GPR141: variants seen among roughly 807,000 people sequenced by gnomAD.
GPR141 encodes the protein probable G protein-coupled receptor 141.
In GPR141, 6 loss-of-function variants were observed where a neutral mutation model predicts 6.8. The observed-to-expected ratio is 0.88, with a 90% CI of 0.48 to 1.74. The LOEUF (loss-of-function observed/expected upper bound fraction) is 1.74, where lower values mean the gene tolerates loss of function less well. Among genes scored for constraint, GPR141 ranks in the 40% most tolerant of loss-of-function variants. The pLI is 0.01. For missense variants in GPR141, 372 were observed against 372.9 expected (o/e 1.00, Z 0.02); for synonymous variants, 140 against 142.3 (o/e 0.98, Z 0.11).
intron 2 of GPR141, among the ~76,000 whole-genome samples, chr7:37,691,804 GT>G (rs939013302): frequency 2.0e-5 from 3 of 151,822 alleles, no homozygotes; most frequent in African/African-American, 7.3e-5. Flanking sequence ...CTTGAGTGGA[GT>G]TTTTTCCCCC....
intron 2 of GPR141, among the ~76,000 whole-genome samples, chr7:37,720,307 C>A (rs1479865342): frequency 7.1e-6 from 1 of 140,710 alleles, no homozygotes; most frequent in Non-Finnish European, 1.6e-5. Flanking sequence ...GACCCTGGTG[C>A]CCATCAATGG....
intron 2 of GPR141, among the ~76,000 whole-genome samples, chr7:37,688,699 G>A (rs1809626721): frequency 6.6e-6 from 1 of 152,104 alleles, no homozygotes; most frequent in Non-Finnish European, 1.5e-5. Context: ...TGAAAAACAA[G>A]TTCATGTCAT....
chr7:37,727,061 G>A (rs969105584), intron 2 of GPR141, among the ~76,000 whole-genome samples: 1 of 152,138 alleles, frequency 6.6e-6, no homozygotes, highest in Non-Finnish European at 1.5e-5. Flanking sequence ...GTTCAGCCTT[G>A]GATATACTAA....
At chr7:37,730,045 T>C (rs1261111496) in intron 2 of GPR141, 2 of 152,232 alleles carry the variant, frequency 1.3e-5, no homozygotes, top group African/African-American at 4.8e-5. Flanking sequence ...TACGGTCAGT[T>C]CAATGCCTAA....
At position 37,728,950 on chromosome 7, in the gene GPR141, A is replaced by G. The variant is rs921951282; in HGVS notation, c.-14-11430A>G. ...GAAAGTTTTTAAAAAGAGAAGTGAAATCATTGATGATGCAATTTGGACTTC... is the reference window on the plus strand; with the variant it reads ...GAAAGTTTTTAAAAAGAGAAGTGAAGTCATTGATGATGCAATTTGGACTTC... On this transcript the variant is annotated intron_variant, in intron 2 of 2. Coordinates refer to ENST00000334425, the MANE Select transcript of GPR141 (RefSeq NM_001381946.1). Among the ~76,000 whole-genome samples, 4 of 152,144 alleles carry G rather than the reference A, an allele frequency of 2.6e-5. No individual in the cohort carries two copies. In the East Asian group the frequency reaches 7.7e-4, roughly 29 times the overall value.
At chr7:37,699,228 A>G (rs1810162418) in intron 2 of GPR141, among the ~76,000 whole-genome samples, 1 of 152,192 alleles carries the variant, frequency 6.6e-6, no homozygotes, top group Non-Finnish European at 1.5e-5. Flanking sequence ...GGACTACCCA[A>G]CTGGCAATGT....
At chr7:37,719,723 A>C (rs1263100813) in intron 2 of GPR141, among the ~76,000 whole-genome samples, 1 of 152,230 alleles carries the variant, frequency 6.6e-6, no homozygotes, top group African/African-American at 2.4e-5. Flanking sequence ...AAGGGGGCTG[A>C]GAATTAGGTG....
intron 2 of GPR141, among the ~76,000 whole-genome samples, chr7:37,728,284 C>A (rs183818103): frequency 6.6e-6 from 1 of 151,874 alleles, no homozygotes; most frequent in East Asian, 1.9e-4. Flanking sequence ...GATTTAAAAG[C>A]GGTGATGTGT....
intron 2 of GPR141, among the ~76,000 whole-genome samples, chr7:37,687,390 G>A (rs1297901512): frequency 6.6e-6 from 1 of 152,018 alleles, no homozygotes; most frequent in East Asian, 1.9e-4. Context: ...TCAAAAAAGT[G>A]CCTCTCACCT....
intron 2 of GPR141, among the ~76,000 whole-genome samples, chr7:37,735,371 T>C (rs1473714472): frequency 6.6e-6 from 1 of 152,216 alleles, no homozygotes; most frequent in African/African-American, 2.4e-5. Context: ...GAGACTAATA[T>C]CCTAAGCCTT....
rs146749644 is a variant in GPR141, at chr7:37,741,191, C to T, written c.798C>T (p.Asn266=). 9.3e-5 allele frequency: 150 copies of T among 1,613,686 alleles called. No homozygotes were observed. The African/African-American group carries it at 1.1e-3, about 12-fold the overall frequency. ...NACNSKVAFY[N]EIFLSVTAIS... is the part of the protein sequence containing the mutation. ...GTAACAGCAAGGTTGCATTTTATAA[C>T]GAAATCTTCTTGAGTGTAACAGCAA... The change falls in exon 3 of 3, where the codon AAC becomes AAT. Residue 266 remains asparagine, a synonymous_variant. Transcript: ENST00000334425.
intron 2 of GPR141, among the ~76,000 whole-genome samples, chr7:37,705,119 A>G (rs1380068247): frequency 2.6e-5 from 4 of 152,204 alleles, no homozygotes; most frequent in African/African-American, 4.8e-5. Context: ...AAACCCAAGG[A>G]AAGCTTACTT....
intron 2 of GPR141, among the ~76,000 whole-genome samples, chr7:37,695,095 T>G (rs1809954974): frequency 6.6e-6 from 1 of 152,174 alleles, no homozygotes; most frequent in South Asian, 2.1e-4. Flanking sequence ...AGCTTCAGCT[T>G]TAGCTCCAGG....
intron 2 of GPR141, among the ~76,000 whole-genome samples, chr7:37,690,063 G>A (rs993033942): frequency 2.4e-4 from 36 of 151,768 alleles, no homozygotes; most frequent in African/African-American, 7.7e-4. Flanking sequence ...TGCTTTTGCT[G>A]TGCTCCATAA....
intron 2 of GPR141, among the ~76,000 whole-genome samples, chr7:37,708,653 G>A (rs182933179): frequency 9.9e-5 from 15 of 152,252 alleles, no homozygotes; most frequent in Admixed American, 9.2e-4. Context: ...ACATTTATAG[G>A]ATACTGACCT....
chr7:37,706,540 C>A (rs998950210), intron 2 of GPR141, among the ~76,000 whole-genome samples: 2 of 151,816 alleles, frequency 1.3e-5, no homozygotes, highest in Admixed American at 6.6e-5. Context: ...CCTGACCCCC[C>A]ACCATAGTTC....
chr7:37,737,723 T>G (rs902910694), intron 2 of GPR141, among the ~76,000 whole-genome samples: 2 of 152,138 alleles, frequency 1.3e-5, no homozygotes, highest in Admixed American at 1.3e-4. Context: ...TTGACATCCC[T>G]CATTTGGTTC....
chr7:37,695,552 C>T (rs772620333), intron 2 of GPR141, among the ~76,000 whole-genome samples: 2 of 152,168 alleles, frequency 1.3e-5, no homozygotes, highest in South Asian at 4.1e-4. Context: ...CCAGCTGATC[C>T]TGGGTGGGGG....
chr7:37,725,957 C>A (rs1180029847), intron 2 of GPR141, among the ~76,000 whole-genome samples: 1 of 151,818 alleles, frequency 6.6e-6, no homozygotes, highest in African/African-American at 2.4e-5. Context: ...CTTAAGTTTT[C>A]ATCAAGAAGT....
Sources: allele counts gnomAD v4.1 joint callset (sites outside exome capture counted in the v4.1 genomes callset), GRCh38; gene constraint gnomAD v4.1.1; transcripts MANE v1.5; gene names NCBI Gene and HGNC (gene_info 2026-07-23, HGNC 2026-07-21).